APBA1: variants seen among roughly 807,000 people sequenced by gnomAD.
The protein encoded by APBA1 is amyloid beta precursor protein binding family A member 1.
Under a neutral mutation model 86.6 loss-of-function variants are expected in APBA1, and 55 were observed. That is an observed-to-expected ratio of 0.64 (90% confidence interval 0.51 to 0.80). The LOEUF is 0.80. Among genes scored for constraint, APBA1 ranks in the 30% least tolerant of loss-of-function variants. APBA1 has a pLI of 0.00. For synonymous variants in APBA1, 511 were observed against 493.9 expected (o/e 1.03, Z -0.46); for missense variants, 1,090 against 1,183.0 (o/e 0.92, Z 1.15).
At chr9:69,653,631 T>C (rs992476423) in intron 1 of APBA1, among the ~76,000 whole-genome samples, 2 of 152,038 alleles carry the variant, frequency 1.3e-5, no homozygotes, top group African/African-American at 4.8e-5. Context: ...GGAACAAAAC[T>C]AGAAATCAAT....
At chr9:69,439,148 G>A (rs1349165266) in intron 11 of APBA1, among the ~76,000 whole-genome samples, 6 of 92,788 alleles carry the variant, frequency 6.5e-5, no homozygotes, top group African/African-American at 2.9e-4. Context: ...CAAGAGATCC[G>A]CTGTTAGTCT....
At chr9:69,455,591 G>A (rs1158296855) in intron 8 of APBA1, among the ~76,000 whole-genome samples, 1 of 152,172 alleles carries the variant, frequency 6.6e-6, no homozygotes, top group East Asian at 1.9e-4. Context: ...CCAGGAAAAG[G>A]AGCTGGTTTT....
At chr9:69,445,871 T>C (rs1834898769) in intron 10 of APBA1, among the ~76,000 whole-genome samples, 2 of 152,188 alleles carry the variant, frequency 1.3e-5, no homozygotes, top group African/African-American at 2.4e-5. Flanking sequence ...GCCTGCAGAC[T>C]GGTGATGCCA....
intron 1 of APBA1, among the ~76,000 whole-genome samples, chr9:69,594,752 T>A (rs1206791023): frequency 6.6e-6 from 1 of 152,142 alleles, no homozygotes; most frequent in Non-Finnish European, 1.5e-5. Flanking sequence ...CCATCCAACA[T>A]TTGTAGTTCT....
intron 1 of APBA1, among the ~76,000 whole-genome samples, chr9:69,558,500 T>G (rs1292121557): frequency 2.0e-5 from 3 of 151,484 alleles, no homozygotes; most frequent in Non-Finnish European, 4.4e-5. Flanking sequence ...TCTGTTTCTA[T>G]TGTTCTTGTG....
At chr9:69,613,231 GA>G (rs1197722590) in intron 1 of APBA1, among the ~76,000 whole-genome samples, 1 of 152,106 alleles carries the variant, frequency 6.6e-6, no homozygotes, top group Non-Finnish European at 1.5e-5. Flanking sequence ...AAGTTTTCCT[GA>G]AGTACTGATC....
chr9:69,663,701 T>C (rs1476536126), intron 1 of APBA1, among the ~76,000 whole-genome samples: 1 of 152,230 alleles, frequency 6.6e-6, no homozygotes, highest in African/African-American at 2.4e-5. Context: ...GTATTTTTCA[T>C]ACAAATTGTA....
At chr9:69,560,815 C>G (rs1413327681) in intron 1 of APBA1, among the ~76,000 whole-genome samples, 1 of 152,162 alleles carries the variant, frequency 6.6e-6, no homozygotes, top group African/African-American at 2.4e-5. Flanking sequence ...CTCTGAGCAT[C>G]ATGTCAGTCC....
rs747666828 is a variant in APBA1, at chr9:69,500,934, G to A, written c.1200+15077C>T. The stretch of plus-strand genomic sequence containing the variant: ...AGATGATCACATTTATAGCCAAATC[G>A]CATTTCATAATTCTCCCAGGTCACA... On this transcript the variant is annotated intron_variant, in intron 2 of 12. Coordinates refer to ENST00000265381, the MANE Select transcript of APBA1 (RefSeq NM_001163.4). 5.9e-5 allele frequency among the ~76,000 whole-genome samples: 9 copies of A among 152,026 alleles called. 1 individual carries two copies. Among genetic ancestry groups the A allele is most frequent in the African/African-American group, 1.7e-4 (7 of 41,396 alleles).
intron 1 of APBA1, among the ~76,000 whole-genome samples, chr9:69,641,006 G>GT (rs1184614113): frequency 6.6e-6 from 1 of 151,846 alleles, no homozygotes; most frequent in Non-Finnish European, 1.5e-5. Context: ...GAGAAATAAA[G>GT]TTGGTTTCTT....
intron 1 of APBA1, among the ~76,000 whole-genome samples, chr9:69,609,375 C>T (rs1189068863): frequency 2.0e-5 from 3 of 152,208 alleles, no homozygotes; most frequent in African/African-American, 7.2e-5. Flanking sequence ...TCTGCAAGGA[C>T]ATCTGCCCAG....
At chr9:69,504,371 A>G (rs955646849) in intron 2 of APBA1, among the ~76,000 whole-genome samples, 11 of 151,892 alleles carry the variant, frequency 7.2e-5, no homozygotes, top group African/African-American at 2.4e-4. Flanking sequence ...GAGTTCCTCA[A>G]TTTTGCTGTC....
intron 1 of APBA1, among the ~76,000 whole-genome samples, chr9:69,654,879 C>A (rs955220695): frequency 6.6e-6 from 1 of 152,076 alleles, no homozygotes; most frequent in African/African-American, 2.4e-5. Flanking sequence ...GGATTCATCC[C>A]AGGGGTGAAA....
At chr9:69,527,438 T>G (rs1160213525) in intron 1 of APBA1, among the ~76,000 whole-genome samples, 1 of 152,084 alleles carries the variant, frequency 6.6e-6, no homozygotes, top group African/African-American at 2.4e-5. Context: ...GGCCAATATA[T>G]GTGGTATTTT....
At chr9:69,531,255 C>T (rs1428854194) in intron 1 of APBA1, among the ~76,000 whole-genome samples, 1 of 152,116 alleles carries the variant, frequency 6.6e-6, no homozygotes, top group Non-Finnish European at 1.5e-5. Context: ...TCTAAGCCTC[C>T]TAAACTCTTT....
intron 10 of APBA1, among the ~76,000 whole-genome samples, chr9:69,446,465 A>C (rs979222476): frequency 1.3e-5 from 2 of 152,030 alleles, no homozygotes; most frequent in Admixed American, 6.5e-5. Flanking sequence ...CGGCCTTTTA[A>C]TTTTCTGGTT....
At position 69,647,371 on chromosome 9, in the gene APBA1, A is replaced by G. The variant is rs1564101896; in HGVS notation, c.-70+24782T>C. ...ATTCCTTACCTCCTTCAGATAAAGT[A>G]TCTAAGTCTCAGAAGTCATTACTCT... is the stretch of plus-strand genomic sequence containing the variant. On this transcript the variant is annotated intron_variant, in intron 1 of 12. Coordinates refer to ENST00000265381, the MANE Select transcript of APBA1 (RefSeq NM_001163.4). Among the ~76,000 whole-genome samples the G allele has an allele frequency of 2.6e-5, 4 of 152,330 alleles. No homozygotes were observed. In the South Asian group the frequency reaches 8.3e-4, roughly 32 times the overall value.
chr9:69,444,392 A>G (rs938773198), intron 10 of APBA1, among the ~76,000 whole-genome samples: 1 of 152,134 alleles, frequency 6.6e-6, no homozygotes, highest in African/African-American at 2.4e-5. Flanking sequence ...GCTCCTATCA[A>G]TAGGACCAGC....
intron 1 of APBA1, among the ~76,000 whole-genome samples, chr9:69,597,806 G>A (rs548911053): frequency 2.6e-5 from 4 of 152,172 alleles, no homozygotes; most frequent in Non-Finnish European, 4.4e-5. Flanking sequence ...CAGGTTTGTC[G>A]AAGATAGGAA....
Sources: allele counts gnomAD v4.1 joint callset (sites outside exome capture counted in the v4.1 genomes callset), GRCh38; gene constraint gnomAD v4.1.1; transcripts MANE v1.5; gene names NCBI Gene and HGNC (gene_info 2026-07-23, HGNC 2026-07-21).